Variants in TSPEAR observed in about 807,000 individuals in gnomAD.
TSPEAR encodes the protein thrombospondin type laminin G domain and EAR repeats.
Under a neutral mutation model 71.6 loss-of-function variants are expected in TSPEAR, and 69 were observed. The ratio of observed to expected loss-of-function variants is 0.96; its 90% CI spans 0.79 to 1.18. The LOEUF (loss-of-function observed/expected upper bound fraction) is 1.18. Among genes scored for constraint, TSPEAR ranks in the 50% most tolerant of loss-of-function variants. The pLI is 0.00. For missense variants in TSPEAR, 971 were observed against 894.9 expected, an observed-to-expected ratio of 1.09 and a Z score of -1.09; for synonymous variants, 402 against 387.2, an observed-to-expected ratio of 1.04 and a Z score of -0.45.
At chr21:44,618,862 T>G (rs1048015833) in intron 1 of TSPEAR, among the ~76,000 whole-genome samples, 3 of 152,128 alleles carry the variant, frequency 2.0e-5, no homozygotes, top group African/African-American at 7.2e-5. Context: ...TCAAAAATTT[T>G]CAGTTGGGAA....
Position 44,593,592 on chromosome 21 carries a change from C to T in TSPEAR, c.83-25587G>A, listed in dbSNP as rs1476298558. 2.0e-5 allele frequency among the ~76,000 whole-genome samples: 3 copies of T among 152,134 alleles called. No homozygotes were observed. The highest frequency in any genetic ancestry group is 4.8e-5 in the African/African-American group (2 of 41,418). ...ACAGGAAGGGAGGTCAGACACGCCT[C>T]GTTACACCCCCTCCCTTTAGGGTTT... On this transcript the variant is annotated intron_variant, in intron 1 of 11. Transcript: ENST00000323084. This position sits in a 1 kb window ranked among gnomAD's most constrained non-coding sequence, Gnocchi z 5.9.
In TSPEAR at chr21:44,617,715, T is replaced by C. The variant is rs1187339594; in HGVS notation, c.83-49710A>G. On this transcript the variant is annotated intron_variant, in intron 1 of 11. Transcript: ENST00000323084. ...CAATTTAATAAAGAAAAATATCTTA[T>C]GGTTTTCTTCAGCAAGCTGCGCAGT... 5.9e-5 allele frequency among the ~76,000 whole-genome samples: 9 copies of C among 152,376 alleles called. No homozygotes were observed. The South Asian group carries it at 8.3e-4, about 14-fold the overall frequency.
At chr21:44,649,194 C>T (rs940181822) in intron 1 of TSPEAR, among the ~76,000 whole-genome samples, 2 of 152,174 alleles carry the variant, frequency 1.3e-5, no homozygotes, top group Non-Finnish European at 2.9e-5. Flanking sequence ...GCATGCTCGT[C>T]AGGGTGTGAT....
At chr21:44,573,404 G>C (rs587619508) in intron 1 of TSPEAR, among the ~76,000 whole-genome samples, 2 of 151,978 alleles carry the variant, frequency 1.3e-5, no homozygotes, top group Admixed American at 1.3e-4. Flanking sequence ...CCCATAGCCC[G>C]GCACACACGT....
intron 3 of TSPEAR, among the ~76,000 whole-genome samples, chr21:44,532,830 A>G (rs1241403435): frequency 6.6e-6 from 1 of 152,176 alleles, no homozygotes; most frequent in Non-Finnish European, 1.5e-5. Flanking sequence ...TCGGCTTCCA[A>G]AAGCCCCCAT....
At position 44,695,028 on chromosome 21, in the gene TSPEAR, A is replaced by G. The variant is rs1285399814; in HGVS notation, c.82+16405T>C. On this transcript the variant is annotated intron_variant, in intron 1 of 11. Coordinates refer to ENST00000323084, the MANE Select transcript of TSPEAR (RefSeq NM_144991.3). The surrounding 1 kb of genome is among the most constrained non-coding windows in gnomAD (Gnocchi z 4.5). ...CCCCAACCCTCCAGGCCTCTGCCAC[A>G]GGCTGGAGGAGCTGCTTGATGCAGA... 6.6e-6 allele frequency among the ~76,000 whole-genome samples: 1 copy of G among 152,220 alleles called. No individual in the cohort carries two copies. The highest frequency in any genetic ancestry group is 1.5e-5 in the Non-Finnish European group (1 of 68,040).
chr21:44,515,099 C>A (rs1310381340), intron 9 of TSPEAR, among the ~76,000 whole-genome samples: 2 of 152,200 alleles, frequency 1.3e-5, no homozygotes, highest in African/African-American at 4.8e-5. Context: ...AGCATCTCGG[C>A]TTCACCCGCT....
At chr21:44,676,174 T>A in intron 1 of TSPEAR, 1 of 1,187,694 alleles carries the variant, frequency 8.4e-7, no homozygotes, top group Non-Finnish European at 1.3e-6. Context: ...GAAGTACTGG[T>A]ACAAGCTATT....
rs1390862215 is a variant in TSPEAR at position 44,687,733 on chromosome 21, C to T, written c.82+23700G>A. Reference sequence around the variant, plus strand: ...AGCCAGGAGGGAAGCCAGGACCACCCTCTCCCCTGGGCCTTGAGGGGGCCT... The same window carrying T: ...AGCCAGGAGGGAAGCCAGGACCACCTTCTCCCCTGGGCCTTGAGGGGGCCT... On this transcript the variant is annotated intron_variant, in intron 1 of 11. Coordinates refer to ENST00000323084, the MANE Select transcript of TSPEAR (RefSeq NM_144991.3). The surrounding 1 kb of genome is among the most constrained non-coding windows in gnomAD (Gnocchi z 4.4). 6.6e-6 allele frequency among the ~76,000 whole-genome samples: 1 copy of T among 152,158 alleles called. No homozygotes were observed. The highest frequency in any genetic ancestry group is 2.4e-5 in the African/African-American group (1 of 41,424).
chr21:44,500,004 C>T, intron 11 of TSPEAR, 68 bp from the exon 12 acceptor site: 2 of 1,488,530 alleles, frequency 1.3e-6, no homozygotes, highest in Non-Finnish European at 8.9e-7. Flanking sequence ...CCCCGGCTCC[C>T]ACCCGCGCTG....
At chr21:44,628,207 C>G in intron 1 of TSPEAR, 1 of 826,394 alleles carries the variant, frequency 1.2e-6, no homozygotes, top group Non-Finnish European at 1.8e-6. Context: ...CTGGCTCCTC[C>G]CTGACCTCCC....
Position 44,580,437 on chromosome 21 carries a change from A to T in TSPEAR, c.83-12432T>A, listed in dbSNP as rs782722644. The T allele has an allele frequency of 1.2e-5, 20 of 1,612,968 alleles. No individual in the cohort carries two copies. Among genetic ancestry groups the T allele is most frequent in the Non-Finnish European group, 5.9e-6 (7 of 1,179,914 alleles). On this transcript the variant is annotated intron_variant, in intron 1 of 11. Transcript: ENST00000323084. ...CAGGCCGCCTGGCAGCAGGGGCTGG[A>T]CACACAGCTCACTGGGGTGCAGACC...
In TSPEAR at chr21:44,633,239, T is replaced by C. The variant is rs587746995; in HGVS notation, c.83-65234A>G. ...CTTTATTTGCTCCCTGTATTCTACATATAATCTTTATTTTCTTCCTTCTTC... is the reference window on the plus strand; with the variant it reads ...CTTTATTTGCTCCCTGTATTCTACACATAATCTTTATTTTCTTCCTTCTTC... On this transcript the variant is annotated intron_variant, in intron 1 of 11. Transcript: ENST00000323084. 2.6e-4 allele frequency among the ~76,000 whole-genome samples: 39 copies of C among 152,316 alleles called. No individual in the cohort carries two copies. The South Asian group carries it at 7.7e-3, about 30-fold the overall frequency.
rs1211989687 is a variant in TSPEAR at position 44,580,350 on chromosome 21, C to T, written c.83-12345G>A. The T allele has an allele frequency of 4.3e-6, 7 of 1,613,356 alleles. No individual in the cohort carries two copies. The East Asian group carries it at 8.9e-5, about 21-fold the overall frequency. On this transcript the variant is annotated intron_variant, in intron 1 of 11. Transcript: ENST00000323084. ...TGGCAGGGGGAGGAGGCGCAGCAAG[C>T]CGGCTGGCAGCACGAGGGCGTGCAG...
chr21:44,683,671 A>C (rs1340675566), intron 1 of TSPEAR, among the ~76,000 whole-genome samples: 1 of 131,606 alleles, frequency 7.6e-6, no homozygotes, highest in Non-Finnish European at 1.6e-5. Context: ...CCCGTCTCAA[A>C]AAACAAATCA....
At chr21:44,683,099 C>T (rs920914063) in intron 1 of TSPEAR, among the ~76,000 whole-genome samples, 30 of 152,094 alleles carry the variant, frequency 2.0e-4, no homozygotes, top group Admixed American at 1.8e-3. Context: ...CCACAGACTA[C>T]AGTGAGACCC....
At chr21:44,656,771 G>T (rs78662628) in intron 1 of TSPEAR, among the ~76,000 whole-genome samples, 2 of 151,960 alleles carry the variant, frequency 1.3e-5, no homozygotes, top group Admixed American at 6.6e-5. Flanking sequence ...GTTCAGTATC[G>T]CTCTCTTCTC....
chr21:44,524,451 T>C (rs1601361073), intron 8 of TSPEAR, among the ~76,000 whole-genome samples: 1 of 151,622 alleles, frequency 6.6e-6, no homozygotes, highest in African/African-American at 2.4e-5. Context: ...AGTTAGTTAG[T>C]CAGCCAGTCA....
intron 2 of TSPEAR, chr21:44,558,532 A>C: frequency 1.9e-6 from 3 of 1,613,454 alleles, no homozygotes; most frequent in Non-Finnish European, 2.5e-6. Flanking sequence ...CTGGGCTCAC[A>C]GGCCGCCTGG....
Sources: allele counts gnomAD v4.1 joint callset (sites outside exome capture counted in the v4.1 genomes callset), GRCh38; gene constraint gnomAD v4.1.1; non-coding constraint Gnocchi (gnomAD v3.1); transcripts MANE v1.5; gene names NCBI Gene and HGNC (gene_info 2026-07-23, HGNC 2026-07-21).